TRABD2B: variants seen among roughly 807,000 people sequenced by gnomAD.
The protein encoded by TRABD2B is metalloprotease TIKI2.
A neutral mutation model predicts 40.1 loss-of-function variants in TRABD2B; 14 were observed. The ratio of observed to expected loss-of-function variants is 0.35; its 90% CI spans 0.23 to 0.55. TRABD2B has a LOEUF of 0.55. Among genes scored for constraint, TRABD2B ranks in the 20% least tolerant of loss-of-function variants. TRABD2B has a pLI of 0.90. For missense variants in TRABD2B, 541 were observed against 648.6 expected (o/e 0.83, Z 1.80); for synonymous variants, 263 against 277.0 (o/e 0.95, Z 0.50).
intron 2 of TRABD2B, among the ~76,000 whole-genome samples, chr1:47,907,232 A>G (rs1456848095): frequency 6.6e-6 from 1 of 152,194 alleles, no homozygotes. Context: ...TTTCATGACC[A>G]GGGATTTGTT....
At chr1:47,863,995 C>T (rs915051106) in intron 2 of TRABD2B, among the ~76,000 whole-genome samples, 1 of 152,124 alleles carries the variant, frequency 6.6e-6, no homozygotes, top group Non-Finnish European at 1.5e-5. Flanking sequence ...AGAAGCCAAT[C>T]TGGAAAGATT....
At chr1:47,858,396 T>A (rs1191713818) in intron 2 of TRABD2B, among the ~76,000 whole-genome samples, 1 of 152,130 alleles carries the variant, frequency 6.6e-6, no homozygotes, top group African/African-American at 2.4e-5. Flanking sequence ...TAGCTGGGAC[T>A]ACAGGCATGT....
At chr1:47,952,298 T>TC (rs1047992086) in intron 2 of TRABD2B, among the ~76,000 whole-genome samples, 61 of 152,272 alleles carry the variant, frequency 4.0e-4, no homozygotes, top group African/African-American at 1.4e-3. Flanking sequence ...CAGGTACATC[T>TC]CCTCCAGGAA....
At chr1:47,788,709 C>T (rs1237720958) in intron 4 of TRABD2B, among the ~76,000 whole-genome samples, 1 of 152,206 alleles carries the variant, frequency 6.6e-6, no homozygotes. Context: ...AAAGCAACAG[C>T]ATGTTAGGGT....
chr1:47,892,241 G>C (rs1312037469), intron 2 of TRABD2B, among the ~76,000 whole-genome samples: 1 of 152,226 alleles, frequency 6.6e-6, no homozygotes, highest in South Asian at 2.1e-4. Context: ...TGACAGACTG[G>C]ATGGAGGTTA....
At chr1:47,883,605 C>T (rs7531348) in intron 2 of TRABD2B, among the ~76,000 whole-genome samples, 9,906 of 152,236 alleles carry the variant, frequency 0.065, 625 homozygotes, top group African/African-American at 0.15. Context: ...AGCTGTGTCA[C>T]AAGTCAGGAC....
intron 2 of TRABD2B, among the ~76,000 whole-genome samples, chr1:47,806,684 A>G (rs562107847): frequency 1.2e-4 from 18 of 152,268 alleles, no homozygotes; most frequent in African/African-American, 4.3e-4. Context: ...CAGAATTTAA[A>G]CACGTCTTCA....
rs1236415526 is a variant in TRABD2B at position 47,820,818 on chromosome 1, AC to A, written c.667-19200del. Among the ~76,000 whole-genome samples, 162 of 151,720 alleles carry A rather than the reference AC, an allele frequency of 1.1e-3. 1 individual carries two copies. The East Asian group carries it at 0.029, about 27-fold the overall frequency. On this transcript the variant is annotated intron_variant, in intron 2 of 6. Coordinates refer to ENST00000606738, the MANE Select transcript of TRABD2B (RefSeq NM_001194986.2). ...CACACACACACACACACACACACACACACAAAATCTTACTTACTCTTCCCAT... is the reference window on the plus strand; with the variant it reads ...CACACACACACACACACACACACACAACAAAATCTTACTTACTCTTCCCAT...
chr1:47,785,680 T>G (rs923947973), intron 4 of TRABD2B, among the ~76,000 whole-genome samples: 1 of 152,204 alleles, frequency 6.6e-6, no homozygotes, highest in African/African-American at 2.4e-5. Context: ...GCAATGGCCA[T>G]GCAGGCTGAT....
intron 2 of TRABD2B, among the ~76,000 whole-genome samples, chr1:47,850,985 C>G (rs981889742): frequency 2.6e-4 from 40 of 152,178 alleles, no homozygotes; most frequent in Admixed American, 1.5e-3. Flanking sequence ...GAATCTAATG[C>G]CACCGCTGAT....
intron 4 of TRABD2B, among the ~76,000 whole-genome samples, chr1:47,788,262 G>A (rs1416650616): frequency 6.6e-6 from 1 of 152,144 alleles, no homozygotes; most frequent in East Asian, 1.9e-4. Flanking sequence ...GGTGTTAATG[G>A]TATTCTGTGT....
At chr1:47,798,145 T>C (rs1172455590) in intron 3 of TRABD2B, among the ~76,000 whole-genome samples, 1 of 152,104 alleles carries the variant, frequency 6.6e-6, no homozygotes, top group African/African-American at 2.4e-5. Context: ...GGGAGTCACA[T>C]ATGCGCACAA....
intron 5 of TRABD2B, among the ~76,000 whole-genome samples, chr1:47,775,971 T>A (rs1313938783): frequency 1.3e-5 from 2 of 152,074 alleles, no homozygotes. Flanking sequence ...GGGTCTCATT[T>A]ATTCAACAAC....
intron 2 of TRABD2B, among the ~76,000 whole-genome samples, chr1:47,953,797 G>A (rs1645379526): frequency 6.6e-6 from 1 of 152,170 alleles, no homozygotes; most frequent in South Asian, 2.1e-4. Context: ...CTTTCACCTA[G>A]CTTGGGGTTT....
intron 2 of TRABD2B, among the ~76,000 whole-genome samples, chr1:47,985,960 C>T (rs892770988): frequency 1.3e-5 from 2 of 152,040 alleles, no homozygotes; most frequent in Non-Finnish European, 2.9e-5. Flanking sequence ...TGCATGGAGG[C>T]ATAACTAAGG....
chr1:47,863,485 CAAGT>C (rs1644009097), intron 2 of TRABD2B, among the ~76,000 whole-genome samples: 1 of 149,568 alleles, frequency 6.7e-6, no homozygotes, highest in Non-Finnish European at 1.5e-5. Context: ...GTACAGATGA[CAAGT>C]AAGTATATAA....
At chr1:47,964,388 C>A (rs562175570) in intron 2 of TRABD2B, among the ~76,000 whole-genome samples, 7 of 152,274 alleles carry the variant, frequency 4.6e-5, no homozygotes, top group African/African-American at 1.7e-4. Context: ...GAGGAAGGAG[C>A]ACAAACTTCA....
At chr1:47,805,777 A>C (rs1452928650) in intron 2 of TRABD2B, among the ~76,000 whole-genome samples, 1 of 152,114 alleles carries the variant, frequency 6.6e-6, no homozygotes, top group East Asian at 1.9e-4. Flanking sequence ...TTTAATCTTT[A>C]CAGCAACTCT....
chr1:47,985,674 A>G (rs1412433211), intron 2 of TRABD2B, among the ~76,000 whole-genome samples: 1 of 152,250 alleles, frequency 6.6e-6, no homozygotes, highest in Non-Finnish European at 1.5e-5. Flanking sequence ...AGTGTGGCCC[A>G]AGTACAATTT....
Sources: gnomAD v4.1 joint callset for allele counts (sites outside exome capture counted in the v4.1 genomes callset) on GRCh38, gnomAD v4.1.1 for gene constraint, MANE v1.5 for transcripts, NCBI Gene and HGNC (gene_info 2026-07-23, HGNC 2026-07-21) for gene names.